The following HLCS variants were observed in gnomAD, a reference collection of about 807,000 sequenced individuals.
The protein encoded by HLCS is holocarboxylase synthetase, also known as biotin--protein ligase.
In HLCS, 53 loss-of-function variants were observed where a neutral mutation model predicts 75.0. The ratio of observed to expected loss-of-function variants is 0.71; its 90% CI spans 0.57 to 0.89. The LOEUF is 0.89. Ranked by LOEUF, HLCS falls within the 40% of genes least tolerant of loss-of-function variation. The pLI is 0.00. For synonymous variants in HLCS, 431 were observed against 428.6 expected (o/e 1.01, Z -0.07); for missense variants, 966 against 1,074.0 (o/e 0.90, Z 1.41).
intron 2 of HLCS, among the ~76,000 whole-genome samples, chr21:36,939,463 A>G (rs1471590668): frequency 6.6e-6 from 1 of 151,798 alleles, no homozygotes; most frequent in Admixed American, 6.6e-5. Context: ...CCCGAGCACA[A>G]CTCCCTCCCT....
chr21:36,979,631 C>T (rs180845801), intron 1 of HLCS, among the ~76,000 whole-genome samples: 9 of 152,200 alleles, frequency 5.9e-5, no homozygotes, highest in Non-Finnish European at 1.0e-4. Context: ...AACAGCAATA[C>T]GGACCAGGCA....
chr21:36,907,665 G>A (rs1438443635), intron 5 of HLCS, among the ~76,000 whole-genome samples: 1 of 152,008 alleles, frequency 6.6e-6, no homozygotes, highest in Non-Finnish European at 1.5e-5. Context: ...AAAAAAGAGA[G>A]AGAAAGGGAA....
At chr21:36,982,976 G>A (rs534526122) in intron 1 of HLCS, among the ~76,000 whole-genome samples, 4 of 152,110 alleles carry the variant, frequency 2.6e-5, no homozygotes, top group Admixed American at 2.6e-4. Context: ...GGAGGTTGCA[G>A]TGAGCCGAGA....
intron 6 of HLCS, among the ~76,000 whole-genome samples, chr21:36,823,645 G>GTGTGTGTGTGTGTGTA (rs1347977458): frequency 1.1e-4 from 17 of 151,300 alleles, no homozygotes; most frequent in African/African-American, 4.1e-4. Context: ...GTGTGTGTGT[G>GTGTGTGTGTGTGTGTA]TGTACACATG....
upstream of HLCS, among the ~76,000 whole-genome samples, chr21:36,967,214 A>T (rs2068647775): frequency 6.6e-6 from 1 of 152,080 alleles, no homozygotes; most frequent in African/African-American, 2.4e-5. Flanking sequence ...GCCGCTACCC[A>T]GTCGACTTGG....
intron 6 of HLCS, among the ~76,000 whole-genome samples, chr21:36,790,800 G>T (rs2060838743): frequency 1.3e-5 from 2 of 152,218 alleles, no homozygotes; most frequent in Non-Finnish European, 2.9e-5. Context: ...GTTTCTGTCA[G>T]CCTGCAGAGC....
At chr21:36,896,047 CT>C (rs528791101) in intron 6 of HLCS, among the ~76,000 whole-genome samples, 89 of 152,244 alleles carry the variant, frequency 5.8e-4, no homozygotes, top group African/African-American at 2.1e-3. Context: ...GGGTTATCAA[CT>C]GCTTAAAAAA....
Position 36,750,183 on chromosome 21 carries a change from G to T in HLCS, c.*4063C>A, listed in dbSNP as rs551835955. Among the ~76,000 whole-genome samples the T allele has an allele frequency of 5.3e-5, 8 of 152,128 alleles. No individual in the cohort carries two copies. The highest frequency in any genetic ancestry group is 1.0e-4 in the Non-Finnish European group (7 of 68,018). Reference sequence around the variant, plus strand: ...TGACTTCTGTGAGGCTCCGGCAGGGGAAGAGGAAGCATTTTAATACATATG... The same window carrying T: ...TGACTTCTGTGAGGCTCCGGCAGGGTAAGAGGAAGCATTTTAATACATATG... On this transcript the variant is annotated 3_prime_UTR_variant, in exon 11 of 11. Transcript: ENST00000674895.
intron 6 of HLCS, among the ~76,000 whole-genome samples, chr21:36,800,706 G>A (rs567415347): frequency 3.3e-5 from 5 of 152,158 alleles, no homozygotes; most frequent in South Asian, 2.1e-4. Context: ...AATACTACGC[G>A]ATATTCTCTC....
At position 36,771,249 on chromosome 21, in the gene HLCS, T is replaced by TAAATAAATAAATAA. The variant is rs1369792062; in HGVS notation, c.1893-3965_1893-3964insTTATTTATTTATTT. On this transcript the variant is annotated intron_variant, in intron 6 of 10. Transcript: ENST00000674895. ...AAATAAATAAATAAATAAATAAATA[T>TAAATAAATAAATAA]AAAATAAAATAAAAAGAAACAAGAC... 6.8e-3 allele frequency among the ~76,000 whole-genome samples: 924 copies of TAAATAAATAAATAA among 134,916 alleles called. 8 individuals are homozygous for TAAATAAATAAATAA. The highest frequency in any genetic ancestry group is 0.028 in the African/African-American group (872 of 31,254). 88.5% of individuals were successfully genotyped at this position (134,916 alleles called of 152,430 possible). A position where few individuals can be genotyped will look rare whatever the true frequency, so the allele number is the denominator to read the frequency against.
At chr21:36,847,338 C>T (rs76149794) in intron 6 of HLCS, among the ~76,000 whole-genome samples, 3,453 of 152,294 alleles carry the variant, frequency 0.023, 43 homozygotes, top group South Asian at 0.046. Flanking sequence ...GTCATAGCAG[C>T]ACGCTAGAAT....
intron 7 of HLCS, among the ~76,000 whole-genome samples, chr21:36,766,870 A>G (rs2090055576): frequency 6.6e-6 from 1 of 152,072 alleles, no homozygotes; most frequent in South Asian, 2.1e-4. Context: ...CAGACACAGA[A>G]GGCTCCTTAT....
At chr21:36,798,419 G>A (rs894467509) in intron 6 of HLCS, among the ~76,000 whole-genome samples, 8 of 152,178 alleles carry the variant, frequency 5.3e-5, no homozygotes, top group Non-Finnish European at 1.0e-4. Flanking sequence ...GACTATTTAT[G>A]TTGTTTCCAG....
intron 6 of HLCS, among the ~76,000 whole-genome samples, chr21:36,843,294 C>T (rs1319161227): frequency 2.6e-5 from 4 of 151,906 alleles, no homozygotes; most frequent in East Asian, 3.9e-4. Flanking sequence ...AAAAATTAGC[C>T]AGGTGTGGTG....
chr21:36,862,028 T>C (rs1643502668), intron 6 of HLCS, among the ~76,000 whole-genome samples: 1 of 152,234 alleles, frequency 6.6e-6, no homozygotes, highest in Admixed American at 6.5e-5. Flanking sequence ...TTCCTATAAA[T>C]GAAATCACAC....
chr21:36,934,364 CT>C (rs1258262116), intron 4 of HLCS, among the ~76,000 whole-genome samples: 46 of 152,336 alleles, frequency 3.0e-4, no homozygotes, highest in African/African-American at 1.1e-3. Flanking sequence ...GAAGAATTCT[CT>C]GACCCAAAAT....
At chr21:36,806,037 G>C (rs192991874) in intron 6 of HLCS, 29 of 152,294 alleles carry the variant, frequency 1.9e-4, no homozygotes, top group African/African-American at 6.7e-4. Context: ...ATCACTTACA[G>C]AGGGATTCTT....
In HLCS at chr21:36,831,525, C is replaced by CA. The variant is rs368034810; in HGVS notation, c.1893-64241dup. Among the ~76,000 whole-genome samples the CA allele has an allele frequency of 1.5e-3, 231 of 152,124 alleles. 2 individuals carry two copies. Among genetic ancestry groups the CA allele is most frequent in the African/African-American group, 5.3e-3 (222 of 41,506 alleles). Reference sequence around the variant, plus strand: ...TGAAACCCTGTCTCTACTAAAAATACAAAAAACATTAGCCAGGTGTGGTGG... The same window carrying CA: ...TGAAACCCTGTCTCTACTAAAAATACAAAAAAACATTAGCCAGGTGTGGTGG... On this transcript the variant is annotated intron_variant, in intron 6 of 10. Transcript: ENST00000674895.
chr21:36,947,675 A>T (rs926901070), intron 2 of HLCS: 4 of 985,296 alleles, frequency 4.1e-6, no homozygotes, highest in African/African-American at 1.7e-5. Context: ...TTGATGTTAC[A>T]ATGTATGGCA....
Sources: gnomAD v4.1 joint callset for allele counts (sites outside exome capture counted in the v4.1 genomes callset) on GRCh38, gnomAD v4.1.1 for gene constraint, MANE v1.5 for transcripts, NCBI Gene and HGNC (gene_info 2026-07-23, HGNC 2026-07-21) for gene names.